The following ELAVL4 variants were observed in gnomAD, a reference collection of about 807,000 sequenced individuals.
ELAVL4 encodes ELAV-like protein 4.
A neutral mutation model predicts 35.6 loss-of-function variants in ELAVL4; 1 was observed. The ratio of observed to expected loss-of-function variants is 0.03; its 90% CI spans 0.01 to 0.13. ELAVL4 has a LOEUF of 0.13. Among genes scored for constraint, ELAVL4 ranks in the 10% least tolerant of loss-of-function variants. The pLI is 1.00. For missense variants in ELAVL4, 267 were observed against 464.9 expected, an observed-to-expected ratio of 0.57 and a Z score of 3.91; for synonymous variants, 156 against 171.0, an observed-to-expected ratio of 0.91 and a Z score of 0.69.
intron 1 of ELAVL4, chr1:50,048,195 C>A: frequency 1.3e-6 from 2 of 1,519,006 alleles, no homozygotes; most frequent in Non-Finnish European, 8.8e-7. Context: ...AGAAGCGCCT[C>A]GGCGCAGGCC....
chr1:50,073,929 T>G (rs1157662454), intron 1 of ELAVL4, among the ~76,000 whole-genome samples: 1 of 152,242 alleles, frequency 6.6e-6, no homozygotes, highest in Non-Finnish European at 1.5e-5. Flanking sequence ...TCTGGACATC[T>G]TCATTGGATC....
chr1:50,081,837 A>G (rs1218115606), intron 1 of ELAVL4, among the ~76,000 whole-genome samples: 2 of 150,296 alleles, frequency 1.3e-5, no homozygotes, highest in Non-Finnish European at 3.0e-5. Flanking sequence ...TAGTACCCCC[A>G]CCCCCTGACA....
At chr1:50,048,941 C>A (rs1663214997) in intron 1 of ELAVL4, among the ~76,000 whole-genome samples, 1 of 152,122 alleles carries the variant, frequency 6.6e-6, no homozygotes, top group East Asian at 1.9e-4. Flanking sequence ...GTCTTGAAGT[C>A]TTGAACCTGC....
At chr1:50,061,791 A>G (rs1274280629) in intron 1 of ELAVL4, among the ~76,000 whole-genome samples, 1 of 152,110 alleles carries the variant, frequency 6.6e-6, no homozygotes, top group Non-Finnish European at 1.5e-5. Context: ...TTTATTTCAG[A>G]GCTCTCCATT....
At chr1:50,074,138 G>A (rs953906705) in intron 1 of ELAVL4, among the ~76,000 whole-genome samples, 10 of 152,176 alleles carry the variant, frequency 6.6e-5, no homozygotes, top group African/African-American at 2.4e-4. Context: ...GCTGGGCTGT[G>A]CTTCTCTAGT....
intron 4 of ELAVL4, 90 bp downstream of exon 4, chr1:50,194,008 G>C: frequency 6.7e-7 from 1 of 1,487,530 alleles, no homozygotes; most frequent in Admixed American, 2.0e-5. Flanking sequence ...GCTGCTTAAA[G>C]CAGATGATAT....
intron 2 of ELAVL4, among the ~76,000 whole-genome samples, chr1:50,147,000 G>A (rs1320693281): frequency 6.6e-6 from 1 of 152,024 alleles, no homozygotes; most frequent in Admixed American, 6.6e-5. Context: ...ATTTGAATAG[G>A]AGTGACAGCT....
intron 2 of ELAVL4, among the ~76,000 whole-genome samples, chr1:50,176,033 G>C (rs563510043): frequency 2.4e-3 from 369 of 152,216 alleles, no homozygotes; most frequent in Non-Finnish European, 3.9e-3. Flanking sequence ...TTTCTTAAAG[G>C]GTATGTCAGA....
chr1:50,065,169 G>A (rs957234217), intron 1 of ELAVL4, among the ~76,000 whole-genome samples: 17 of 152,266 alleles, frequency 1.1e-4, no homozygotes, highest in African/African-American at 3.9e-4. Context: ...AAACAAAGGT[G>A]ATGGTGGAAA....
chr1:50,068,573 C>T (rs1664372677), intron 1 of ELAVL4, among the ~76,000 whole-genome samples: 1 of 152,154 alleles, frequency 6.6e-6, no homozygotes, highest in Admixed American at 6.6e-5. Context: ...TTGTCATCTG[C>T]CTCAGTGTCT....
chr1:50,138,241 G>A (rs1479053622), intron 1 of ELAVL4, among the ~76,000 whole-genome samples: 2 of 152,106 alleles, frequency 1.3e-5, no homozygotes, highest in African/African-American at 2.4e-5. Context: ...CTACACAGAG[G>A]TGCTCCAAAA....
At chr1:50,155,993 C>T (rs1020691825) in intron 2 of ELAVL4, among the ~76,000 whole-genome samples, 8 of 152,118 alleles carry the variant, frequency 5.3e-5, no homozygotes, top group African/African-American at 1.9e-4. Flanking sequence ...ACACATCCCC[C>T]AAACACTTTT....
At chr1:50,160,793 T>G (rs141429223) in intron 2 of ELAVL4, among the ~76,000 whole-genome samples, 87 of 152,372 alleles carry the variant, frequency 5.7e-4, no homozygotes, top group African/African-American at 1.9e-3. Context: ...ATTCTGTTAA[T>G]GTTTATGAAG....
upstream of ELAVL4, among the ~76,000 whole-genome samples, chr1:50,107,884 A>T (rs1666477327): frequency 1.3e-5 from 2 of 152,238 alleles, no homozygotes; most frequent in Middle Eastern, 3.4e-3. Flanking sequence ...AGGCAGACAA[A>T]CTGTATACCT....
At chr1:50,163,908 A>G (rs1331184831) in intron 2 of ELAVL4, among the ~76,000 whole-genome samples, 1 of 152,184 alleles carries the variant, frequency 6.6e-6, no homozygotes, top group East Asian at 1.9e-4. Flanking sequence ...TTAGCATACA[A>G]ATGAGCACAT....
chr1:50,106,866 G>C (rs911646673), upstream of ELAVL4, among the ~76,000 whole-genome samples: 4 of 152,186 alleles, frequency 2.6e-5, no homozygotes, highest in South Asian at 8.3e-4. Flanking sequence ...TTTTGGAAAA[G>C]TGGCCAGAAT....
chr1:50,171,118 G>A (rs1169615178), intron 2 of ELAVL4, among the ~76,000 whole-genome samples: 1 of 152,188 alleles, frequency 6.6e-6, no homozygotes, highest in Non-Finnish European at 1.5e-5. Flanking sequence ...CTAGTTGGCT[G>A]TAGTAACACT....
chr1:50,136,302 T>C (rs1163689555), intron 1 of ELAVL4, among the ~76,000 whole-genome samples: 1 of 152,172 alleles, frequency 6.6e-6, no homozygotes, highest in Non-Finnish European at 1.5e-5. Flanking sequence ...GAAAGGTGGG[T>C]GAGATGCAGT....
Position 50,197,454 on chromosome 1 carries a change from T to A in ELAVL4, c.760T>A (p.Tyr254Asn). ...GCTGGACAATTTGCTTAATATGGCC[T>A]ATGGCGTAAAGAGGTAATTAAAACT... ...FRLDNLLNMA[Y>N]GVKRFSPITI... is the part of the protein sequence containing the mutation. The change falls in exon 6 of 7, where the codon TAT (tyrosine) becomes AAT (asparagine). Residue 254 changes from tyrosine to asparagine, a missense_variant. This residue lies in a region of ELAVL4 where 216 missense variants were observed against 409.5 expected (regional missense o/e 0.53). Transcript: ENST00000371824. 1.3e-6 allele frequency: 2 copies of A among 1,592,086 alleles called. No homozygotes were observed. The highest frequency in any genetic ancestry group is 1.7e-6 in the Non-Finnish European group (2 of 1,170,960).
Sources: allele counts gnomAD v4.1 joint callset (sites outside exome capture counted in the v4.1 genomes callset), GRCh38; gene constraint gnomAD v4.1.1; regional missense constraint gnomAD v4.1.1; transcripts MANE v1.5; gene names NCBI Gene and HGNC (gene_info 2026-07-23, HGNC 2026-07-21).